Variants in NOS1 observed in about 807,000 individuals in gnomAD.
NOS1 encodes the protein NOS type I.
Under a neutral mutation model 164.5 loss-of-function variants are expected in NOS1, and 51 were observed. That is an observed-to-expected ratio of 0.31 (90% CI 0.25 to 0.39). NOS1 has a LOEUF of 0.39. NOS1 is among the 10% of genes least tolerant of loss of function. NOS1 has a pLI of 1.00. For synonymous variants in NOS1, 719 were observed against 745.8 expected (o/e 0.96, Z 0.59); for missense variants, 1,362 against 1,885.6 (o/e 0.72, Z 5.14).
rs529650643 is a variant in NOS1 at position 117,208,496 on chromosome 12, G to A, written c.*6813C>T. The A allele has an allele frequency of 3.7e-5, 46 of 1,248,088 alleles. 2 individuals carry two copies. The South Asian group carries it at 5.2e-4, about 14-fold the overall frequency. 77.3% of individuals were successfully genotyped at this position (1,248,088 alleles called of 1,614,324 possible). A position where few individuals can be genotyped will look rare whatever the true frequency, so the allele number is the denominator to read the frequency against. ...ACGGACACTGCGACGTGGGGTGCCC[G>A]GCACCGCTCTTTGGGCCTTCTGGAA... On this transcript the variant is annotated 3_prime_UTR_variant, in exon 29 of 29. Transcript: ENST00000317775.
chr12:117,302,449 C>T (rs535415370), intron 3 of NOS1, among the ~76,000 whole-genome samples: 2 of 152,014 alleles, frequency 1.3e-5, no homozygotes, highest in African/African-American at 2.4e-5. Context: ...AAAAAATTAG[C>T]CGGGTGAGGT....
intron 16 of NOS1, chr12:117,255,944 G>C: frequency 6.7e-7 from 1 of 1,492,422 alleles, no homozygotes; most frequent in Non-Finnish European, 8.9e-7. Flanking sequence ...ACCTGTGCTG[G>C]CTGTCACGGG....
chr12:117,310,024 G>A (rs34022865), intron 3 of NOS1, among the ~76,000 whole-genome samples: 20,643 of 151,992 alleles, frequency 0.14, 1,610 homozygotes, highest in East Asian at 0.26. Context: ...CTCCCACCTC[G>A]GTCTCCAGGG....
At chr12:117,358,695 T>C (rs1876973651) in intron 1 of NOS1, among the ~76,000 whole-genome samples, 1 of 152,212 alleles carries the variant, frequency 6.6e-6, no homozygotes, top group African/African-American at 2.4e-5. Flanking sequence ...CACACAGCCA[T>C]GGAGTGAGCT....
At chr12:117,227,898 G>A (rs1258709600) in intron 22 of NOS1, among the ~76,000 whole-genome samples, 1 of 152,094 alleles carries the variant, frequency 6.6e-6, no homozygotes, top group Non-Finnish European at 1.5e-5. Flanking sequence ...ATGTGGTGGT[G>A]GATGTCTGCA....
intron 8 of NOS1, among the ~76,000 whole-genome samples, chr12:117,279,652 C>T (rs1873469948): frequency 6.6e-6 from 1 of 152,242 alleles, no homozygotes; most frequent in South Asian, 2.1e-4. Flanking sequence ...ATGTCCCGCT[C>T]AGCAAGGTTT....
intron 2 of NOS1, among the ~76,000 whole-genome samples, chr12:117,328,055 G>GTT (rs1875342569): frequency 6.6e-6 from 1 of 152,090 alleles, no homozygotes; most frequent in Non-Finnish European, 1.5e-5. Context: ...CCTCAAACAC[G>GTT]TTAAGCACAC....
intron 22 of NOS1, among the ~76,000 whole-genome samples, chr12:117,230,741 G>A (rs918973252): frequency 1.3e-5 from 2 of 152,200 alleles, no homozygotes; most frequent in African/African-American, 4.8e-5. Flanking sequence ...TTTACAATCA[G>A]AGACCTCTGA....
At chr12:117,359,378 G>GAA (rs34539949) in intron 1 of NOS1, among the ~76,000 whole-genome samples, 13 of 152,134 alleles carry the variant, frequency 8.5e-5, no homozygotes, top group Non-Finnish European at 1.5e-5. Context: ...AATAACGGGG[G>GAA]AAAAAATCTA....
intron 4 of NOS1, among the ~76,000 whole-genome samples, chr12:117,289,388 G>C (rs1368304971): frequency 6.6e-6 from 1 of 152,218 alleles, no homozygotes; most frequent in Non-Finnish European, 1.5e-5. Context: ...GGAATGTTAG[G>C]TAATGTCTTG....
At position 117,227,555 on chromosome 12, in the gene NOS1, C is replaced by T. The variant is rs375187265; in HGVS notation, c.3492G>A (p.Pro1164=). Reference sequence around the variant, plus strand: ...ACAGCTGGGTCAGGAGCAGGGTGGCCGGCATCTGGATAGATGGGAACTCCT... The same window carrying T: ...ACAGCTGGGTCAGGAGCAGGGTGGCTGGCATCTGGATAGATGGGAACTCCT... ...VLEEFPSIQM[P]ATLLLTQLSL... is the part of the protein sequence containing the mutation. The change falls in exon 23 of 29, where the codon CCG becomes CCA. Residue 1164 remains proline (P), a synonymous_variant. Transcript: ENST00000317775. 3.2e-5 allele frequency: 51 copies of T among 1,613,184 alleles called. No individual in the cohort carries two copies. Among genetic ancestry groups the T allele is most frequent in the South Asian group, 2.0e-4 (18 of 90,950 alleles).
chr12:117,314,760 C>A (rs1289077589), intron 2 of NOS1, among the ~76,000 whole-genome samples: 2 of 152,206 alleles, frequency 1.3e-5, no homozygotes, highest in Non-Finnish European at 2.9e-5. Context: ...GCGCACACCA[C>A]CACGCCCAGC....
At position 117,219,979 on chromosome 12, in the gene NOS1, G is replaced by A. The variant is rs184646697; in HGVS notation, c.4170+96C>T. On this transcript the variant is annotated intron_variant, in intron 27 of 28. Transcript: ENST00000317775. ...AACGAATGGGAGCAGGGATATCATC[G>A]TGGCTCCCCTAATCATCAAGACAGG... The A allele has an allele frequency of 1.7e-4, 207 of 1,183,720 alleles. 1 individual carries two copies. The African/African-American group carries it at 2.6e-3, about 15-fold the overall frequency. 73.3% of individuals were successfully genotyped at this position (1,183,720 alleles called of 1,614,324 possible).
Position 117,212,518 on chromosome 12 carries a change from A to G in NOS1, c.*2791T>C, listed in dbSNP as rs1016906508. On this transcript the variant is annotated 3_prime_UTR_variant, in exon 29 of 29. Transcript: ENST00000317775. ...CACAAGCTGTGGGAACTGGATGCAT[A>G]GTGATGGCAGGTGAGCATGATGTTC... The G allele has an allele frequency of 9.1e-6, 9 of 985,280 alleles. No individual in the cohort carries two copies. The highest frequency in any genetic ancestry group is 1.1e-5 in the Non-Finnish European group (9 of 829,926). 61.0% of individuals were successfully genotyped at this position (985,280 alleles called of 1,614,324 possible).
chr12:117,343,121 G>A (rs1015321735), intron 1 of NOS1, among the ~76,000 whole-genome samples: 9 of 151,606 alleles, frequency 5.9e-5, no homozygotes, highest in African/African-American at 2.2e-4. Context: ...TTGAGGCCAG[G>A]AGTTCAAGAC....
chr12:117,288,687 C>T (rs1872862071), intron 4 of NOS1, among the ~76,000 whole-genome samples: 1 of 152,166 alleles, frequency 6.6e-6, no homozygotes, highest in Admixed American at 6.5e-5. Flanking sequence ...CCCTTAACCC[C>T]TTGACTCTGG....
intron 17 of NOS1, among the ~76,000 whole-genome samples, chr12:117,248,040 C>T (rs949404290): frequency 6.6e-6 from 1 of 151,936 alleles, no homozygotes; most frequent in Admixed American, 6.6e-5. Flanking sequence ...CTCTCTCCCT[C>T]TTTCCTTTCT....
chr12:117,302,543 C>T (rs1290144017), intron 3 of NOS1, among the ~76,000 whole-genome samples: 1 of 145,920 alleles, frequency 6.9e-6, no homozygotes, highest in South Asian at 2.2e-4. Context: ...TGCAGTGAGC[C>T]GAGATCGGGC....
chr12:117,210,373 G>A lies in NOS1; in HGVS notation c.*4936C>T, dbSNP rs916539077. 1 of 985,220 alleles carries A rather than the reference G, an allele frequency of 1.0e-6. No individual in the cohort carries two copies. Among genetic ancestry groups the A allele is most frequent in the African/African-American group, 1.7e-5 (1 of 57,196 alleles). The allele number at this position is 985,220 out of a possible 1,614,324, so 61.0% of individuals were successfully genotyped here. ...ATGGGTTATAAAGGAAGACTAGTTA[G>A]TGTTTCTCTCTCCTTGTTGCTTCCT... On this transcript the variant is annotated 3_prime_UTR_variant, in exon 29 of 29. Transcript: ENST00000317775.
Sources: gnomAD v4.1 joint callset for allele counts (sites outside exome capture counted in the v4.1 genomes callset) on GRCh38, gnomAD v4.1.1 for gene constraint, MANE v1.5 for transcripts, NCBI Gene and HGNC (gene_info 2026-07-23, HGNC 2026-07-21) for gene names.